The following ZFP1 variants were observed in gnomAD, a reference collection of about 807,000 sequenced individuals.
ZFP1 encodes zinc finger protein 1 homolog.
A neutral mutation model predicts 38.5 loss-of-function variants in ZFP1; 32 were observed. The observed-to-expected ratio is 0.83, with a 90% CI of 0.63 to 1.12. ZFP1 has a LOEUF of 1.12. Among genes scored for constraint, ZFP1 ranks in the 50% most tolerant of loss-of-function variants. ZFP1 has a pLI of 0.00. For missense variants in ZFP1, 616 were observed against 480.8 expected, an observed-to-expected ratio of 1.28 and a Z score of -2.63; for synonymous variants, 245 against 168.8, an observed-to-expected ratio of 1.45 and a Z score of -3.50.
At chr16:75,165,997 T>G (rs192206104) in intron 2 of ZFP1, among the ~76,000 whole-genome samples, 2 of 152,304 alleles carry the variant, frequency 1.3e-5, no homozygotes, top group Admixed American at 6.5e-5. Flanking sequence ...TTCAACCATG[T>G]ATTTTTTAAA....
chr16:75,149,708 GC>G (rs2037089256), intron 1 of ZFP1, among the ~76,000 whole-genome samples: 1 of 151,614 alleles, frequency 6.6e-6, no homozygotes, highest in Non-Finnish European at 1.5e-5. Flanking sequence ...ACAGGCGTGA[GC>G]CACCGCGTCC....
intron 2 of ZFP1, among the ~76,000 whole-genome samples, chr16:75,161,699 T>G (rs1425077562): frequency 1.4e-5 from 2 of 141,486 alleles, no homozygotes; most frequent in Non-Finnish European, 3.0e-5. Flanking sequence ...TTATGCATGG[T>G]AGATTATAAG....
At chr16:75,166,973 T>C in intron 3 of ZFP1, 77 bp downstream of exon 3, 1 of 1,538,918 alleles carries the variant, frequency 6.5e-7, no homozygotes, top group Non-Finnish European at 8.7e-7. Context: ...AGAAATGAGC[T>C]TCTGAATTAC....
At chr16:75,128,706 G>A in the ZFP1 span, among the ~76,000 whole-genome samples, 57 of 152,284 alleles carry the variant, frequency 3.7e-4, no homozygotes, top group Non-Finnish European at 5.7e-4. Context: ...ATAAAGCCCT[G>A]TGAACTGAAG....
the ZFP1 span, among the ~76,000 whole-genome samples, chr16:75,140,726 A>G: frequency 4.1e-4 from 63 of 152,256 alleles, no homozygotes; most frequent in African/African-American, 9.9e-4. Context: ...TTGGGAGGCC[A>G]AGGCGGGCGG....
chr16:75,124,558 T>C, the ZFP1 span, among the ~76,000 whole-genome samples: 3 of 145,322 alleles, frequency 2.1e-5, no homozygotes, highest in South Asian at 4.4e-4. Flanking sequence ...CTGAGGCGGG[T>C]GGATCATGAG....
At chr16:75,147,475 T>C (rs1008060391), upstream of ZFP1, among the ~76,000 whole-genome samples, 2 of 147,010 alleles carry the variant, frequency 1.4e-5, no homozygotes, top group African/African-American at 5.0e-5. Context: ...TTTTAAGAGA[T>C]GAGGTTTCAC....
At chr16:75,126,806 A>T in the ZFP1 span, among the ~76,000 whole-genome samples, 1 of 152,218 alleles carries the variant, frequency 6.6e-6, no homozygotes, top group African/African-American at 2.4e-5. Flanking sequence ...ATTATAAATT[A>T]TGTTTTTTTC....
In ZFP1 at chr16:75,170,512, C is replaced by G. The variant is rs2038367307; in HGVS notation, c.*178C>G. 2.2e-6 allele frequency: 2 copies of G among 904,274 alleles called. No individual in the cohort carries two copies. Among genetic ancestry groups the G allele is most frequent in the Non-Finnish European group, 3.1e-6 (2 of 653,876 alleles). 56.0% of individuals were successfully genotyped at this position (904,274 alleles called of 1,614,324 possible). A position where few individuals can be genotyped will look rare whatever the true frequency, so the allele number is the denominator to read the frequency against. ...TTATACTGGAAGTTACATGTGATAC[C>G]CAGCTAAAGAATACATATCAGAATA... On this transcript the variant is annotated 3_prime_UTR_variant, in exon 4 of 4. Coordinates refer to ENST00000570010, the MANE Select transcript of ZFP1 (RefSeq NM_153688.4).
chr16:75,166,639 C>G (rs1305814470), intron 2 of ZFP1, 131 bp from the exon 3 acceptor site: 35 of 1,516,338 alleles, frequency 2.3e-5, no homozygotes, highest in African/African-American at 5.6e-5. Context: ...AAGACATGAA[C>G]AAAAACAGTG....
At chr16:75,128,196 GA>G in the ZFP1 span, among the ~76,000 whole-genome samples, 1 of 152,196 alleles carries the variant, frequency 6.6e-6, no homozygotes, top group Non-Finnish European at 1.5e-5. Flanking sequence ...GGTAAGTAAA[GA>G]ATGTCACTGT....
chr16:75,168,600 G>C (rs903890155), intron 3 of ZFP1, among the ~76,000 whole-genome samples: 6 of 152,042 alleles, frequency 3.9e-5, no homozygotes, highest in African/African-American at 1.4e-4. Context: ...GGTAAGGGTT[G>C]TGTATCTCTT....
At chr16:75,121,361 G>C in the ZFP1 span, among the ~76,000 whole-genome samples, 1 of 151,796 alleles carries the variant, frequency 6.6e-6, no homozygotes, top group African/African-American at 2.4e-5. Context: ...TCCTGACCTT[G>C]TGATCCGCCC....
intron 2 of ZFP1, among the ~76,000 whole-genome samples, chr16:75,158,216 C>A (rs1026619146): frequency 1.3e-5 from 2 of 151,868 alleles, no homozygotes. Context: ...TTTGATCCAG[C>A]CTGTTTCTTT....
chr16:75,154,791 T>C (rs2037389732), intron 2 of ZFP1, among the ~76,000 whole-genome samples: 1 of 152,048 alleles, frequency 6.6e-6, no homozygotes, highest in Non-Finnish European at 1.5e-5. Flanking sequence ...TTTATTTATT[T>C]ATGTTTTTAA....
chr16:75,145,911 G>A (rs2036937867), upstream of ZFP1, among the ~76,000 whole-genome samples: 1 of 152,148 alleles, frequency 6.6e-6, no homozygotes, highest in South Asian at 2.1e-4. Context: ...GCTGGTTAAC[G>A]CTTAGCTGTC....
At chr16:75,126,671 G>A in the ZFP1 span, among the ~76,000 whole-genome samples, 2 of 152,202 alleles carry the variant, frequency 1.3e-5, no homozygotes, top group Non-Finnish European at 2.9e-5. Flanking sequence ...CTTAAATGCT[G>A]GGGTTACAGG....
chr16:75,166,190 T>G (rs2038072163), intron 2 of ZFP1, among the ~76,000 whole-genome samples: 1 of 152,176 alleles, frequency 6.6e-6, no homozygotes, highest in Non-Finnish European at 1.5e-5. Flanking sequence ...CTGGTAACAA[T>G]GAATATCTAA....
At chr16:75,165,964 T>C (rs2038055684) in intron 2 of ZFP1, among the ~76,000 whole-genome samples, 1 of 152,232 alleles carries the variant, frequency 6.6e-6, no homozygotes, top group Admixed American at 6.5e-5. Flanking sequence ...TAATCATTTC[T>C]TCAGCCATTC....
Sources: allele counts gnomAD v4.1 joint callset (sites outside exome capture counted in the v4.1 genomes callset), GRCh38; gene constraint gnomAD v4.1.1; transcripts MANE v1.5; gene names NCBI Gene and HGNC (gene_info 2026-07-23, HGNC 2026-07-21).